CDH4: variants seen among roughly 807,000 people sequenced by gnomAD.
CDH4 encodes the protein cadherin-4.
In CDH4, 33 loss-of-function variants were observed where a neutral mutation model predicts 86.0. That is an observed-to-expected ratio of 0.38 (90% CI 0.29 to 0.51). The LOEUF is 0.51. CDH4 is among the 20% of genes least tolerant of loss of function. The probability of loss-of-function intolerance (pLI) is 0.86; values close to 1 mark genes in which losing one functional copy is unlikely to be tolerated. For missense variants in CDH4, 1,114 were observed against 1,307.4 expected (o/e 0.85, Z 2.28); for synonymous variants, 555 against 549.4 (o/e 1.01, Z -0.14).
intron 4 of CDH4, among the ~76,000 whole-genome samples, chr20:61,814,759 T>C (rs1205606638): frequency 1.3e-5 from 2 of 152,232 alleles, no homozygotes; most frequent in East Asian, 1.9e-4. Flanking sequence ...CTCCTTGCTA[T>C]TGAGCAAACA....
At chr20:61,281,778 C>T (rs2084260386) in intron 2 of CDH4, among the ~76,000 whole-genome samples, 1 of 152,360 alleles carries the variant, frequency 6.6e-6, no homozygotes, top group South Asian at 2.1e-4. Flanking sequence ...GCACCCCATC[C>T]CTGTGCTTTC....
chr20:61,345,881 AG>A (rs1311537069), intron 2 of CDH4, among the ~76,000 whole-genome samples: 2 of 152,226 alleles, frequency 1.3e-5, no homozygotes, highest in African/African-American at 2.4e-5. Flanking sequence ...TGCATTCCTT[AG>A]GGTGCCCTGT....
At chr20:61,632,414 C>T (rs2086897360) in intron 2 of CDH4, among the ~76,000 whole-genome samples, 1 of 152,176 alleles carries the variant, frequency 6.6e-6, no homozygotes, top group Non-Finnish European at 1.5e-5. Context: ...AACTCACCAC[C>T]CACAGGTGCC....
intron 4 of CDH4, among the ~76,000 whole-genome samples, chr20:61,806,786 T>C (rs1980161043): frequency 6.6e-6 from 1 of 152,070 alleles, no homozygotes. Flanking sequence ...TCAACATGCA[T>C]GTTTTGCCAC....
chr20:61,786,219 C>T (rs1978873100), intron 4 of CDH4, among the ~76,000 whole-genome samples: 1 of 152,122 alleles, frequency 6.6e-6, no homozygotes, highest in Non-Finnish European at 1.5e-5. Flanking sequence ...TGGCCCATCA[C>T]CTACACTTCA....
chr20:61,795,279 C>T (rs1198564090), intron 4 of CDH4, among the ~76,000 whole-genome samples: 1 of 151,326 alleles, frequency 6.6e-6, no homozygotes, highest in East Asian at 2.0e-4. Flanking sequence ...TCATAAAAGC[C>T]ATCACCTTCC....
chr20:61,926,460 G>A (rs774360245), intron 11 of CDH4, among the ~76,000 whole-genome samples: 18 of 152,196 alleles, frequency 1.2e-4, no homozygotes, highest in Admixed American at 7.2e-4. Flanking sequence ...CACAGAGCCC[G>A]GGCTGTGTAG....
chr20:61,907,404 C>T (rs1196912192), intron 8 of CDH4, among the ~76,000 whole-genome samples: 1 of 151,870 alleles, frequency 6.6e-6, no homozygotes, highest in African/African-American at 2.4e-5. Context: ...TCCTCTCACA[C>T]CCAAGGACTG....
At position 61,484,367 on chromosome 20, in the gene CDH4, G is replaced by A. The variant is rs79306864; in HGVS notation, c.169+229430G>A. Among the ~76,000 whole-genome samples, 33 of 152,266 alleles carry A rather than the reference G, an allele frequency of 2.2e-4. No homozygotes were observed. In the East Asian group the frequency reaches 6.2e-3, roughly 28 times the overall value. ...CCACTTTCTCCCTAAAGCCTCTGCA[G>A]ACAACTTTATTGGGCATTTTTACTC... On this transcript the variant is annotated intron_variant, in intron 2 of 15. Transcript: ENST00000614565.
At chr20:61,427,232 G>A (rs1425194634) in intron 2 of CDH4, among the ~76,000 whole-genome samples, 1 of 152,188 alleles carries the variant, frequency 6.6e-6, no homozygotes, top group Non-Finnish European at 1.5e-5. Flanking sequence ...TGCCCTGTGT[G>A]TGCAGGGAGC....
At position 61,635,717 on chromosome 20, in the gene CDH4, G is replaced by A. The variant is rs147035914; in HGVS notation, c.170-107846G>A. 5.5e-3 allele frequency among the ~76,000 whole-genome samples: 837 copies of A among 152,280 alleles called. 1 individual carries two copies. The highest frequency in any genetic ancestry group is 9.5e-3 in the Non-Finnish European group (646 of 68,020). ...GGAGTAGGAGGAGGAGGATTCTCTGGGGGCTGACCAGTTTTGCACACACTT... is the reference window on the plus strand; with the variant it reads ...GGAGTAGGAGGAGGAGGATTCTCTGAGGGCTGACCAGTTTTGCACACACTT... On this transcript the variant is annotated intron_variant, in intron 2 of 15. Transcript: ENST00000614565.
In CDH4 at chr20:61,386,567, G is replaced by A. The variant is rs777073341; in HGVS notation, c.169+131630G>A. Among the ~76,000 whole-genome samples, 8 of 152,304 alleles carry A rather than the reference G, an allele frequency of 5.3e-5. No individual in the cohort carries two copies. In the South Asian group the frequency reaches 6.2e-4, roughly 12 times the overall value. Reference sequence around the variant, plus strand: ...AGGTCTTTGATGGGAAGATGGAGGCGGTTTGGCACCATGAGGTTAGAGAGG... The same window carrying A: ...AGGTCTTTGATGGGAAGATGGAGGCAGTTTGGCACCATGAGGTTAGAGAGG... On this transcript the variant is annotated intron_variant, in intron 2 of 15. Coordinates refer to ENST00000614565, the MANE Select transcript of CDH4 (RefSeq NM_001794.5).
chr20:61,720,629 C>T (rs1353132931), intron 2 of CDH4, among the ~76,000 whole-genome samples: 1 of 151,752 alleles, frequency 6.6e-6, no homozygotes, highest in Non-Finnish European at 1.5e-5. Flanking sequence ...GTGCAGAGTG[C>T]CATTCCTAAG....
chr20:61,323,659 C>T lies in CDH4; in HGVS notation c.169+68722C>T, dbSNP rs911308040. Among the ~76,000 whole-genome samples, 10 of 152,236 alleles carry T rather than the reference C, an allele frequency of 6.6e-5. No homozygotes were observed. In the Middle Eastern group the frequency reaches 0.01, roughly 155 times the overall value. ...TTCGTGGGTGTTTTAGTCACCAGTT[C>T]GGCAATCAGAGCACATTCTGGATGC... On this transcript the variant is annotated intron_variant, in intron 2 of 15. Coordinates refer to ENST00000614565, the MANE Select transcript of CDH4 (RefSeq NM_001794.5).
At chr20:61,423,886 C>T (rs1203449258) in intron 2 of CDH4, among the ~76,000 whole-genome samples, 3 of 149,064 alleles carry the variant, frequency 2.0e-5, no homozygotes, top group Admixed American at 1.3e-4. Context: ...CATCCTCAGC[C>T]TCATACCTTG....
In CDH4 at chr20:61,340,424, C is replaced by T. The variant is rs144533804; in HGVS notation, c.169+85487C>T. Among the ~76,000 whole-genome samples the T allele has an allele frequency of 2.6e-4, 40 of 152,264 alleles. 1 individual carries two copies. In the East Asian group the frequency reaches 3.1e-3, roughly 12 times the overall value. ...TAAACCAAGTCCGGTGTCCATCTGT[C>T]GGAGATATTTTGCTAAAGGGGCTTT... On this transcript the variant is annotated intron_variant, in intron 2 of 15. Transcript: ENST00000614565.
At position 61,810,437 on chromosome 20, in the gene CDH4, TTCTGACCCGGGTTCTCAGACC is replaced by T. The variant is rs1166139550; in HGVS notation, c.577-34230_577-34210del. 6.6e-6 allele frequency among the ~76,000 whole-genome samples: 1 copy of T among 152,156 alleles called. No individual in the cohort carries two copies. The highest frequency in any genetic ancestry group is 2.4e-5 in the African/African-American group (1 of 41,428). On this transcript the variant is annotated intron_variant, in intron 4 of 15. Transcript: ENST00000614565. The surrounding 1 kb of genome is among the most constrained non-coding windows in gnomAD (Gnocchi z 4.3). ...TCTGACCTGGGTTCTCAGACCCAAG[TTCTGACCCGGGTTCTCAGACC>T]CAAGTTCTGACCCACTCTGCTCACC...
At chr20:61,593,008 G>A (rs949015050) in intron 2 of CDH4, among the ~76,000 whole-genome samples, 11 of 152,174 alleles carry the variant, frequency 7.2e-5, no homozygotes, top group Non-Finnish European at 2.9e-5. Context: ...TAGGAGGGGG[G>A]CAGGAGGGTC....
At chr20:61,890,579 AGAT>A (rs1984778287) in intron 7 of CDH4, among the ~76,000 whole-genome samples, 1 of 150,986 alleles carries the variant, frequency 6.6e-6, no homozygotes, top group African/African-American at 2.4e-5. Context: ...ATGGATGTGC[AGAT>A]GATGGATGGG....
Sources: allele counts gnomAD v4.1 joint callset (sites outside exome capture counted in the v4.1 genomes callset), GRCh38; gene constraint gnomAD v4.1.1; non-coding constraint Gnocchi (gnomAD v3.1); transcripts MANE v1.5; gene names NCBI Gene and HGNC (gene_info 2026-07-23, HGNC 2026-07-21).